Variants in CNTN4 observed in about 807,000 individuals in gnomAD.
CNTN4 encodes the protein contactin 4, also known as contactin-4.
CNTN4 carries 77 observed loss-of-function variants against 122.5 expected under a neutral mutation model. That is an observed-to-expected ratio of 0.63 (90% CI 0.52 to 0.76). CNTN4 has a LOEUF of 0.76. Among genes scored for constraint, CNTN4 ranks in the 30% least tolerant of loss-of-function variants. CNTN4 has a pLI of 0.00. For missense variants in CNTN4, 1,256 were observed against 1,259.1 expected, an observed-to-expected ratio of 1.00 and a Z score of 0.04; for synonymous variants, 512 against 447.0, an observed-to-expected ratio of 1.15 and a Z score of -1.83.
chr3:2,569,445 C>T (rs956798369), intron 3 of CNTN4, among the ~76,000 whole-genome samples: 5 of 152,096 alleles, frequency 3.3e-5, no homozygotes, highest in Non-Finnish European at 5.9e-5. Context: ...AATATTGGGG[C>T]TCCCACAGTG....
At chr3:3,008,721 A>G (rs554099481) in intron 14 of CNTN4, among the ~76,000 whole-genome samples, 4 of 152,316 alleles carry the variant, frequency 2.6e-5, no homozygotes, top group African/African-American at 9.6e-5. Context: ...CCCTTCTCAA[A>G]CGACCCAGAT....
At chr3:2,795,968 G>A (rs2092164103) in intron 6 of CNTN4, among the ~76,000 whole-genome samples, 2 of 152,152 alleles carry the variant, frequency 1.3e-5, no homozygotes, top group Admixed American at 6.5e-5. Context: ...TGCAGAAGGT[G>A]TAAATAACCA....
chr3:2,689,161 A>G (rs1226083716), intron 4 of CNTN4, among the ~76,000 whole-genome samples: 1 of 152,176 alleles, frequency 6.6e-6, no homozygotes, highest in African/African-American at 2.4e-5. Context: ...CCAGGTTGCT[A>G]CGGAAGTTGC....
intron 3 of CNTN4, among the ~76,000 whole-genome samples, chr3:2,391,914 C>G (rs890931233): frequency 6.6e-6 from 1 of 152,136 alleles, no homozygotes; most frequent in African/African-American, 2.4e-5. Context: ...GGCTTCCAGT[C>G]TACTCTTTAA....
At chr3:2,513,467 G>A (rs928501216) in intron 3 of CNTN4, among the ~76,000 whole-genome samples, 2 of 152,014 alleles carry the variant, frequency 1.3e-5, no homozygotes, top group Admixed American at 6.6e-5. Flanking sequence ...CTACTTGGTT[G>A]AGTAAATAGT....
At chr3:2,669,334 C>T (rs920590079) in intron 4 of CNTN4, among the ~76,000 whole-genome samples, 5 of 152,104 alleles carry the variant, frequency 3.3e-5, no homozygotes, top group Admixed American at 6.6e-5. Context: ...GTGTATGTGT[C>T]GAGGAATTTA....
At chr3:2,915,481 C>T (rs897512549) in intron 12 of CNTN4, among the ~76,000 whole-genome samples, 1 of 152,140 alleles carries the variant, frequency 6.6e-6, no homozygotes, top group Non-Finnish European at 1.5e-5. Flanking sequence ...ATTTGGATGG[C>T]TTTTATTTAT....
At chr3:2,878,196 A>T (rs2150943571) in intron 8 of CNTN4, among the ~76,000 whole-genome samples, 1 of 152,312 alleles carries the variant, frequency 6.6e-6, no homozygotes, top group African/African-American at 2.4e-5. Flanking sequence ...AGCCATAAAT[A>T]TGGATCACTG....
chr3:2,959,564 T>G (rs2094832695), intron 13 of CNTN4, among the ~76,000 whole-genome samples: 1 of 152,102 alleles, frequency 6.6e-6, no homozygotes, highest in Non-Finnish European at 1.5e-5. Context: ...AATTATTATT[T>G]TAATATAAAT....
chr3:3,012,625 A>G (rs927763600), intron 14 of CNTN4, among the ~76,000 whole-genome samples: 1 of 151,830 alleles, frequency 6.6e-6, no homozygotes, highest in African/African-American at 2.4e-5. Context: ...AATTTTTTGT[A>G]TTTTTAGTAG....
chr3:2,123,377 T>C (rs557154389), intron 2 of CNTN4, among the ~76,000 whole-genome samples: 3 of 152,334 alleles, frequency 2.0e-5, no homozygotes, highest in East Asian at 3.9e-4. Context: ...TCATTGCAAT[T>C]GACCATCAGA....
At chr3:2,103,361 A>G (rs2032152243) in intron 2 of CNTN4, among the ~76,000 whole-genome samples, 1 of 152,218 alleles carries the variant, frequency 6.6e-6, no homozygotes, top group South Asian at 2.1e-4. Context: ...TTTATCTTGA[A>G]TACCTACCAG....
At chr3:2,217,968 C>T (rs528016322) in intron 2 of CNTN4, among the ~76,000 whole-genome samples, 51 of 152,186 alleles carry the variant, frequency 3.4e-4, no homozygotes, top group African/African-American at 9.6e-4. Flanking sequence ...AGTCAAGTAA[C>T]AGATAAATAA....
At position 2,943,612 on chromosome 3, in the gene CNTN4, T is replaced by TTA. The variant is rs1241870460; in HGVS notation, c.1358+17851_1358+17852dup. Among the ~76,000 whole-genome samples, 106 of 124,170 alleles carry TTA rather than the reference T, an allele frequency of 8.5e-4. 2 individuals carry two copies. Among genetic ancestry groups the TTA allele is most frequent in the African/African-American group, 1.7e-3 (58 of 33,822 alleles). 81.5% of individuals were successfully genotyped at this position (124,170 alleles called of 152,430 possible). ...GTAATATATAAATATATAAATATATTTATATATATATATATATATTTTTTT... is the reference window on the plus strand; with the variant it reads ...GTAATATATAAATATATAAATATATTTATATATATATATATATATATTTTTTT... On this transcript the variant is annotated intron_variant, in intron 13 of 24. Coordinates refer to ENST00000418658, the MANE Select transcript of CNTN4 (RefSeq NM_175607.3).
chr3:2,891,093 A>G (rs1559626197), intron 10 of CNTN4, among the ~76,000 whole-genome samples: 1 of 152,182 alleles, frequency 6.6e-6, no homozygotes, highest in South Asian at 2.1e-4. Context: ...TTTTACTGGA[A>G]GTTAACCAAA....
At chr3:2,217,938 GT>G (rs2038915982) in intron 2 of CNTN4, among the ~76,000 whole-genome samples, 1 of 152,192 alleles carries the variant, frequency 6.6e-6, no homozygotes, top group Non-Finnish European at 1.5e-5. Context: ...CACTTAGGGA[GT>G]TTAAAGTCTA....
chr3:3,027,392 G>T (rs1221404751), intron 15 of CNTN4, among the ~76,000 whole-genome samples: 1 of 152,186 alleles, frequency 6.6e-6, no homozygotes, highest in African/African-American at 2.4e-5. Context: ...AGAAAGGCTG[G>T]ATGAAATTGC....
At chr3:2,882,820 A>T (rs1272078605) in intron 8 of CNTN4, 2 of 285,848 alleles carry the variant, frequency 7.0e-6, no homozygotes, top group Non-Finnish European at 1.4e-5. Flanking sequence ...AGATAATTTA[A>T]TTTTCCTGAT....
intron 17 of CNTN4, among the ~76,000 whole-genome samples, chr3:3,034,997 C>A (rs1403849904): frequency 6.6e-6 from 1 of 152,024 alleles, no homozygotes; most frequent in African/African-American, 2.4e-5. Flanking sequence ...TCATCCTAAG[C>A]AATAGTATCT....
Sources: gnomAD v4.1 joint callset for allele counts (sites outside exome capture counted in the v4.1 genomes callset) on GRCh38, gnomAD v4.1.1 for gene constraint, MANE v1.5 for transcripts, NCBI Gene and HGNC (gene_info 2026-07-23, HGNC 2026-07-21) for gene names.